The following ADGRL2 variants were observed in gnomAD, a reference collection of about 807,000 sequenced individuals.
ADGRL2 encodes adhesion G protein-coupled receptor L2, also known as calcium-independent alpha-latrotoxin receptor 2.
ADGRL2 carries 44 observed loss-of-function variants against 157.4 expected under a neutral mutation model. The ratio of observed to expected loss-of-function variants is 0.28; its 90% CI spans 0.22 to 0.36. ADGRL2 has a LOEUF of 0.36. ADGRL2 is among the 10% of genes least tolerant of loss of function. The probability of loss-of-function intolerance (pLI) is 1.00; values close to 1 mark genes in which losing one functional copy is unlikely to be tolerated. For missense variants in ADGRL2, 1,510 were observed against 1,768.9 expected (o/e 0.85, Z 2.63); for synonymous variants, 585 against 624.7 (o/e 0.94, Z 0.95).
At chr1:81,822,561 A>G (rs2091091964) in intron 1 of ADGRL2, among the ~76,000 whole-genome samples, 1 of 151,966 alleles carries the variant, frequency 6.6e-6, no homozygotes, top group African/African-American at 2.4e-5. Flanking sequence ...CATCTAGGCT[A>G]TAGTGCAGTG....
At chr1:81,726,063 A>G (rs1325763101) in intron 1 of ADGRL2, among the ~76,000 whole-genome samples, 3 of 152,184 alleles carry the variant, frequency 2.0e-5, no homozygotes, top group Admixed American at 6.5e-5. Flanking sequence ...TTGATTCATG[A>G]TCTCAGAAAG....
rs1648890039 is a variant in ADGRL2 at position 81,943,889 on chromosome 1, A to G, written c.1210+120A>G. ...TTTTCATAGTTAAAGGACAAAGGAC[A>G]ATGTTGTGGTACATTTTAGCCTTAT... On this transcript the variant is annotated intron_variant, in intron 6 of 23. Coordinates refer to ENST00000686636, the MANE Select transcript of ADGRL2 (RefSeq NM_001366006.2). This position sits in a 1 kb window ranked among gnomAD's most constrained non-coding sequence, Gnocchi z 5.6. 1 of 725,002 alleles carries G rather than the reference A, an allele frequency of 1.4e-6. No homozygotes were observed. The highest frequency in any genetic ancestry group is 1.8e-5 in the African/African-American group (1 of 56,058). The allele number at this position is 725,002 out of a possible 1,614,324, so 44.9% of individuals were successfully genotyped here. A position where few individuals can be genotyped will look rare whatever the true frequency, so the allele number is the denominator to read the frequency against.
At chr1:81,945,272 G>A (rs896228383) in intron 6 of ADGRL2, among the ~76,000 whole-genome samples, 1 of 151,922 alleles carries the variant, frequency 6.6e-6, no homozygotes, top group Non-Finnish European at 1.5e-5. Context: ...TTGTCAAAAG[G>A]CAAACTTAAG....
intron 3 of ADGRL2, among the ~76,000 whole-genome samples, chr1:81,618,837 G>A (rs3811470): frequency 2.0e-5 from 3 of 151,664 alleles, no homozygotes; most frequent in Non-Finnish European, 4.4e-5. Flanking sequence ...ATATGCATCA[G>A]TAATCTGGAG....
chr1:81,443,341 GAACCCAGGAGGCAGAGGTTGC>G (rs1304656332), intron 1 of ADGRL2, among the ~76,000 whole-genome samples: 2 of 151,706 alleles, frequency 1.3e-5, no homozygotes, highest in East Asian at 1.9e-4. Context: ...AGAATCACTT[GAACCCAGGAGGCAGAGGTTGC>G]AACCCAGGAG....
At chr1:81,891,725 C>T (rs1274099940) in intron 2 of ADGRL2, among the ~76,000 whole-genome samples, 1 of 151,986 alleles carries the variant, frequency 6.6e-6, no homozygotes, top group Non-Finnish European at 1.5e-5. Context: ...TTTTGCTCCA[C>T]TACACGGCTT....
intron 6 of ADGRL2, among the ~76,000 whole-genome samples, chr1:81,946,350 T>A (rs1355613566): frequency 1.3e-5 from 2 of 151,488 alleles, no homozygotes; most frequent in African/African-American, 2.4e-5. Flanking sequence ...CTTTTTTTTT[T>A]TTTTTTTGGT....
At chr1:81,853,124 CTG>C (rs985470328) in intron 2 of ADGRL2, among the ~76,000 whole-genome samples, 116 of 152,228 alleles carry the variant, frequency 7.6e-4, no homozygotes, top group African/African-American at 2.5e-3. Flanking sequence ...GAATAGGAAA[CTG>C]TTTCAAATTG....
chr1:81,750,724 AAAAAAAC>A (rs1278549652), intron 1 of ADGRL2, among the ~76,000 whole-genome samples: 7 of 150,542 alleles, frequency 4.6e-5, no homozygotes, highest in African/African-American at 1.2e-4. Flanking sequence ...TTCAAAAACA[AAAAAAAC>A]AAAAAACAAA....
At chr1:81,771,005 G>A (rs189825584) in intron 2 of ADGRL2, among the ~76,000 whole-genome samples, 1 of 151,928 alleles carries the variant, frequency 6.6e-6, no homozygotes, top group Non-Finnish European at 1.5e-5. Flanking sequence ...TGGATTTCCT[G>A]TATTAACAAT....
chr1:81,984,945 T>C (rs1389723321), intron 20 of ADGRL2, among the ~76,000 whole-genome samples: 2 of 152,114 alleles, frequency 1.3e-5, no homozygotes, highest in African/African-American at 2.4e-5. Flanking sequence ...AATCGTCTTA[T>C]AGCCTAAGGC....
At chr1:81,509,034 G>A (rs1301684097) in intron 2 of ADGRL2, among the ~76,000 whole-genome samples, 1 of 152,060 alleles carries the variant, frequency 6.6e-6, no homozygotes, top group Non-Finnish European at 1.5e-5. Context: ...CTCTTCTTAT[G>A]CTAAAATCAT....
intron 1 of ADGRL2, among the ~76,000 whole-genome samples, chr1:81,345,346 C>T (rs904009121): frequency 6.6e-6 from 1 of 152,130 alleles, no homozygotes; most frequent in African/African-American, 2.4e-5. Context: ...TGATACATTG[C>T]CATTGCATCT....
At chr1:81,598,920 C>G (rs1431197663) in intron 3 of ADGRL2, among the ~76,000 whole-genome samples, 1 of 152,196 alleles carries the variant, frequency 6.6e-6, no homozygotes. Flanking sequence ...TATGTTCATT[C>G]ATGGTACACA....
intron 1 of ADGRL2, among the ~76,000 whole-genome samples, chr1:81,323,634 A>C (rs1660689702): frequency 6.6e-6 from 1 of 152,096 alleles, no homozygotes; most frequent in African/African-American, 2.4e-5. Flanking sequence ...ACACAAAGAA[A>C]CCTTTGATAA....
At chr1:81,555,615 C>T (rs78583841) in intron 2 of ADGRL2, among the ~76,000 whole-genome samples, 50 of 151,996 alleles carry the variant, frequency 3.3e-4, no homozygotes, top group African/African-American at 1.1e-3. Context: ...GAATTTGAGG[C>T]GACCTGAAAA....
intron 3 of ADGRL2, among the ~76,000 whole-genome samples, chr1:81,661,404 A>G (rs1295994488): frequency 6.6e-6 from 1 of 152,178 alleles, no homozygotes; most frequent in Non-Finnish European, 1.5e-5. Flanking sequence ...TTAGTGTAAC[A>G]ATTTTAGATT....
At chr1:81,972,911 T>TAA (rs11440202) in intron 17 of ADGRL2, among the ~76,000 whole-genome samples, 33,052 of 128,486 alleles carry the variant, frequency 0.26, 4,761 homozygotes, top group East Asian at 0.68. Context: ...GACCCTGTCT[T>TAA]AAAAAAAAAA....
At chr1:81,829,442 G>T (rs919485647) in intron 1 of ADGRL2, among the ~76,000 whole-genome samples, 1 of 151,982 alleles carries the variant, frequency 6.6e-6, no homozygotes, top group East Asian at 1.9e-4. Context: ...TGGCATAATC[G>T]GGACTAACCC....
Sources: allele counts gnomAD v4.1 joint callset (sites outside exome capture counted in the v4.1 genomes callset), GRCh38; gene constraint gnomAD v4.1.1; non-coding constraint Gnocchi (gnomAD v3.1); transcripts MANE v1.5; gene names NCBI Gene and HGNC (gene_info 2026-07-23, HGNC 2026-07-21).